Variants in RPS6KA2 observed in about 807,000 individuals in gnomAD.
RPS6KA2 encodes the protein ribosomal protein S6 kinase A2.
In RPS6KA2, 42 loss-of-function variants were observed where a neutral mutation model predicts 91.8. That is an observed-to-expected ratio of 0.46 (90% CI 0.36 to 0.59). The LOEUF (loss-of-function observed/expected upper bound fraction) is 0.59, where lower values mean the gene tolerates loss of function less well. Among genes scored for constraint, RPS6KA2 ranks in the 20% least tolerant of loss-of-function variants. The pLI is 0.00. For synonymous variants in RPS6KA2, 414 were observed against 393.6 expected (o/e 1.05, Z -0.61); for missense variants, 798 against 978.5 (o/e 0.82, Z 2.46).
intron 1 of RPS6KA2, among the ~76,000 whole-genome samples, chr6:166,600,131 C>G (rs1785681536): frequency 6.6e-6 from 1 of 152,182 alleles, no homozygotes; most frequent in South Asian, 2.1e-4. Flanking sequence ...CCTCAGCTTC[C>G]CAAATAGGTG....
intron 2 of RPS6KA2, among the ~76,000 whole-genome samples, chr6:166,656,271 T>C (rs1430250027): frequency 6.6e-6 from 1 of 150,898 alleles, no homozygotes; most frequent in African/African-American, 2.4e-5. Context: ...TGAGAGGAGA[T>C]GAAAGGGAGG....
chr6:166,502,765 C>T (rs1428921805), intron 6 of RPS6KA2, among the ~76,000 whole-genome samples: 4 of 152,200 alleles, frequency 2.6e-5, no homozygotes, highest in African/African-American at 7.2e-5. Flanking sequence ...CAGAGCACCA[C>T]GGGGTTCTAG....
chr6:166,567,116 AAC>A lies in RPS6KA2; in HGVS notation c.100-28334_100-28333del, dbSNP rs540776964. ...TGAGGTAACCCAGGAAGACATCACA[AAC>A]ACAGAGGCCTTCGCTGCCCTTCCGC... On this transcript the variant is annotated intron_variant, in intron 1 of 20. Transcript: ENST00000265678. Among the ~76,000 whole-genome samples, 270 of 152,362 alleles carry A rather than the reference AAC, an allele frequency of 1.8e-3. 1 individual carries two copies. Among genetic ancestry groups the A allele is most frequent in the African/African-American group, 6.2e-3 (257 of 41,580 alleles).
At chr6:166,771,981 A>G (rs1211053625) in intron 2 of RPS6KA2, among the ~76,000 whole-genome samples, 1 of 152,190 alleles carries the variant, frequency 6.6e-6, no homozygotes, top group Non-Finnish European at 1.5e-5. Context: ...ACAGCTGATG[A>G]GCGGCCGGTT....
chr6:166,507,752 C>T (rs986071537), intron 5 of RPS6KA2, among the ~76,000 whole-genome samples: 36 of 151,080 alleles, frequency 2.4e-4, no homozygotes, highest in African/African-American at 8.0e-4. Flanking sequence ...ACAAATCACA[C>T]GCCTGACATA....
chr6:166,521,577 A>G (rs1782855605), intron 3 of RPS6KA2, among the ~76,000 whole-genome samples: 1 of 152,222 alleles, frequency 6.6e-6, no homozygotes, highest in South Asian at 2.1e-4. Context: ...TCTGAGGCAC[A>G]GAGCTCGTGT....
intron 2 of RPS6KA2, among the ~76,000 whole-genome samples, chr6:166,779,537 C>T (rs1562434616): frequency 1.3e-5 from 2 of 152,150 alleles, no homozygotes; most frequent in East Asian, 3.9e-4. Flanking sequence ...TAGGGGAGAG[C>T]CCAGGGCTAA....
chr6:166,563,638 C>T lies in RPS6KA2; in HGVS notation c.100-24854G>A, dbSNP rs1784409590. Reference sequence around the variant, plus strand: ...CCAGAGGGAGCCAAGACCTCCCACCCCAGGCAGATCTTGTGGGCAAGGTAT... The same window carrying T: ...CCAGAGGGAGCCAAGACCTCCCACCTCAGGCAGATCTTGTGGGCAAGGTAT... On this transcript the variant is annotated intron_variant, in intron 1 of 20. Coordinates refer to ENST00000265678, the MANE Select transcript of RPS6KA2 (RefSeq NM_021135.6). This position sits in a 1 kb window ranked among gnomAD's most constrained non-coding sequence, Gnocchi z 4.1. Among the ~76,000 whole-genome samples, 1 of 152,162 alleles carries T rather than the reference C, an allele frequency of 6.6e-6. No individual in the cohort carries two copies. Among genetic ancestry groups the T allele is most frequent in the Admixed American group, 6.5e-5 (1 of 15,284 alleles).
chr6:166,501,568 G>A lies in RPS6KA2; in HGVS notation c.567-644C>T, dbSNP rs182567935. On this transcript the variant is annotated intron_variant, in intron 6 of 20. Transcript: ENST00000265678. ...GCCCTTGTCACGCCATGTGCCGGAC[G>A]TGACAGTTGCCTTTGCTCCTCCCAG... Among the ~76,000 whole-genome samples, 582 of 152,332 alleles carry A rather than the reference G, an allele frequency of 3.8e-3. 4 individuals are homozygous for A. The highest frequency in any genetic ancestry group is 6.8e-3 in the Middle Eastern group (2 of 294).
chr6:166,847,457 G>C (rs1226144604), intron 2 of RPS6KA2, among the ~76,000 whole-genome samples: 1 of 151,986 alleles, frequency 6.6e-6, no homozygotes, highest in Non-Finnish European at 1.5e-5. Flanking sequence ...GCCAAAGCAA[G>C]ACTAAGCAAG....
intron 3 of RPS6KA2, among the ~76,000 whole-genome samples, chr6:166,514,321 G>A (rs1269346353): frequency 1.3e-5 from 2 of 152,234 alleles, no homozygotes; most frequent in African/African-American, 2.4e-5. Context: ...GCCCTGTGGT[G>A]ATGGCAGCAA....
At chr6:166,688,982 C>T (rs1286427232) in intron 2 of RPS6KA2, among the ~76,000 whole-genome samples, 2 of 152,238 alleles carry the variant, frequency 1.3e-5, no homozygotes, top group Non-Finnish European at 2.9e-5. Context: ...GAAAGAAATC[C>T]ACCCTTGCTT....
intron 2 of RPS6KA2, among the ~76,000 whole-genome samples, chr6:166,822,193 C>T (rs114486310): frequency 0.012 from 1,806 of 152,322 alleles, 44 homozygotes; most frequent in African/African-American, 0.042. Context: ...AAGGGCTTTA[C>T]GGGCTGGATA....
intron 2 of RPS6KA2, among the ~76,000 whole-genome samples, chr6:166,637,718 T>C (rs1787293646): frequency 6.6e-6 from 1 of 152,240 alleles, no homozygotes; most frequent in South Asian, 2.1e-4. Flanking sequence ...CTGGTGGACA[T>C]TGAAATGTGT....
chr6:166,417,642 CA>C, intron 19 of RPS6KA2, among the ~76,000 whole-genome samples: 1 of 152,066 alleles, frequency 6.6e-6, no homozygotes, highest in Non-Finnish European at 1.5e-5. Context: ...CACACACACA[CA>C]CACACACACG....
upstream of RPS6KA2, among the ~76,000 whole-genome samples, chr6:166,629,929 C>T (rs529707166): frequency 4.0e-5 from 6 of 148,360 alleles, no homozygotes; most frequent in East Asian, 1.2e-3. Flanking sequence ...TACAACATCC[C>T]AAGAAGTTCA....
At chr6:166,565,341 C>T (rs779599336) in intron 1 of RPS6KA2, among the ~76,000 whole-genome samples, 3 of 152,232 alleles carry the variant, frequency 2.0e-5, no homozygotes, top group African/African-American at 4.8e-5. Flanking sequence ...TGTTCTTCTG[C>T]GGTGTGCTTC....
chr6:166,488,578 G>A (rs959050287), intron 10 of RPS6KA2, among the ~76,000 whole-genome samples: 9 of 152,232 alleles, frequency 5.9e-5, no homozygotes, highest in South Asian at 2.1e-4. Context: ...CTACCATTTT[G>A]GGTAAAACCA....
At chr6:166,803,544 T>A (rs1419556208) in intron 2 of RPS6KA2, among the ~76,000 whole-genome samples, 1 of 152,196 alleles carries the variant, frequency 6.6e-6, no homozygotes, top group East Asian at 1.9e-4. Context: ...AAATCCCGTG[T>A]CAGGAGTCTA....
Sources: gnomAD v4.1 joint callset for allele counts (sites outside exome capture counted in the v4.1 genomes callset) on GRCh38, gnomAD v4.1.1 for gene constraint, Gnocchi (gnomAD v3.1) non-coding constraint, MANE v1.5 for transcripts, NCBI Gene and HGNC (gene_info 2026-07-23, HGNC 2026-07-21) for gene names.